Variants in ZC3HAV1 observed in about 807,000 individuals in gnomAD.
ZC3HAV1 encodes zinc finger CCCH-type antiviral protein 1.
Under a neutral mutation model 86.6 loss-of-function variants are expected in ZC3HAV1, and 41 were observed. The ratio of observed to expected loss-of-function variants is 0.47; its 90% CI spans 0.37 to 0.61. ZC3HAV1 has a LOEUF of 0.61. Ranked by LOEUF, ZC3HAV1 falls within the 20% of genes least tolerant of loss-of-function variation. The probability of loss-of-function intolerance (pLI) is 0.00; values close to 1 mark genes in which losing one functional copy is unlikely to be tolerated. For synonymous variants in ZC3HAV1, 421 were observed against 432.1 expected, an observed-to-expected ratio of 0.97 and a Z score of 0.32; for missense variants, 964 against 1,141.1, an observed-to-expected ratio of 0.84 and a Z score of 2.24.
intron 1 of ZC3HAV1, among the ~76,000 whole-genome samples, chr7:139,097,599 T>A (rs1817645534): frequency 6.7e-6 from 1 of 150,290 alleles, no homozygotes; most frequent in Admixed American, 6.6e-5. Flanking sequence ...CACGCTCGGC[T>A]AATTTTTTGT....
intron 1 of ZC3HAV1, among the ~76,000 whole-genome samples, chr7:139,094,588 G>A (rs1370441058): frequency 2.0e-5 from 3 of 151,248 alleles, no homozygotes; most frequent in South Asian, 4.2e-4. Flanking sequence ...AAAAACAAAC[G>A]ACCTTTTCAC....
Position 139,079,920 on chromosome 7 carries a change from G to T in ZC3HAV1, c.1021C>A (p.His341Asn). ...LENGSQEDLL[H>N]GNPGSTYLAS... ...AGGTAAGTGCTGCCTGGATTTCCAT[G>T]CAAGAGGTCCTCTTGACTGCCGTTC... Residue 341 changes from histidine to asparagine, a missense_variant, in exon 4 of 13, where the codon CAT (histidine) becomes AAT (asparagine). Transcript: ENST00000242351. 1 of 1,614,222 alleles carries T rather than the reference G, an allele frequency of 6.2e-7. No individual in the cohort carries two copies. Among genetic ancestry groups the T allele is most frequent in the South Asian group, 1.1e-5 (1 of 91,084 alleles).
At chr7:139,078,163 C>T (rs1817010097) in intron 5 of ZC3HAV1, among the ~76,000 whole-genome samples, 1 of 152,156 alleles carries the variant, frequency 6.6e-6, no homozygotes, top group Non-Finnish European at 1.5e-5. Context: ...CACTTGAACC[C>T]AGGGGGCAGA....
Position 139,109,429 on chromosome 7 carries a change from T to C in ZC3HAV1, c.-98A>G. 1 of 1,402,880 alleles carries C rather than the reference T, an allele frequency of 7.1e-7. No individual in the cohort carries two copies. Among genetic ancestry groups the C allele is most frequent in the Non-Finnish European group, 9.3e-7 (1 of 1,072,718 alleles). 86.9% of individuals were successfully genotyped at this position (1,402,880 alleles called of 1,614,324 possible). Reference sequence around the variant, plus strand: ...AGTGTCCAGGGGCGGGCGCGGGCGGTGCTACTGCTGGGCGCGCCCGGAGTC... The same window carrying C: ...AGTGTCCAGGGGCGGGCGCGGGCGGCGCTACTGCTGGGCGCGCCCGGAGTC... On this transcript the variant is annotated 5_prime_UTR_variant, in exon 1 of 13. Transcript: ENST00000242351.
intron 1 of ZC3HAV1, among the ~76,000 whole-genome samples, chr7:139,100,387 A>AAG (rs1817715203): frequency 6.6e-6 from 1 of 151,544 alleles, no homozygotes; most frequent in Non-Finnish European, 1.5e-5. Flanking sequence ...AAAAAAAAAA[A>AAG]TTAGCCAGGG....
In ZC3HAV1 at chr7:139,078,642, C is replaced by T. The variant is rs765974927; in HGVS notation, c.1483G>A (p.Asp495Asn). Reference protein sequence around the residue: ...RVALVNDSLSDVTSTTSSRVD... With the variant: ...RVALVNDSLSNVTSTTSSRVD... ...CTAGAAGATGTGGTACTTGTGACAT[C>T]AGATAAAGAATCTATGAAACAAAAA... The change falls in exon 5 of 13, where the codon GAT (aspartate) becomes AAT (asparagine). Residue 495 changes from aspartate (D) to asparagine (N), a missense_variant. Transcript: ENST00000242351. The T allele has an allele frequency of 5.7e-6, 9 of 1,568,480 alleles. No individual in the cohort carries two copies. Among genetic ancestry groups the T allele is most frequent in the African/African-American group, 2.8e-5 (2 of 71,384 alleles).
Position 139,047,476 on chromosome 7 carries a change from C to T in ZC3HAV1, c.*118G>A, listed in dbSNP as rs886331872. 14 of 1,452,430 alleles carry T rather than the reference C, an allele frequency of 9.6e-6. No homozygotes were observed. The African/African-American group carries it at 1.0e-4, about 10-fold the overall frequency. 90.0% of individuals were successfully genotyped at this position (1,452,430 alleles called of 1,614,324 possible). Reference sequence around the variant, plus strand: ...GTAGCAAAATTTGGGGACCACTGATCTAAGACATTAGATAACTGAGCAGGA... The same window carrying T: ...GTAGCAAAATTTGGGGACCACTGATTTAAGACATTAGATAACTGAGCAGGA... On this transcript the variant is annotated 3_prime_UTR_variant, in exon 13 of 13. Transcript: ENST00000242351.
chr7:139,073,352 C>T (rs1412801785), intron 7 of ZC3HAV1, among the ~76,000 whole-genome samples: 1 of 151,882 alleles, frequency 6.6e-6, no homozygotes, highest in African/African-American at 2.4e-5. Context: ...TAATGTATGA[C>T]TGCAATTGGA....
At chr7:139,088,031 CAAAAAAAAAAAAAAAA>C (rs10544425) in intron 2 of ZC3HAV1, among the ~76,000 whole-genome samples, 3 of 57,872 alleles carry the variant, frequency 5.2e-5, no homozygotes, top group Non-Finnish European at 6.8e-5. Flanking sequence ...GATCCTGTCT[CAAAAAAAAAAAAAAAA>C]AAAAAAAAGA....
chr7:139,075,083 T>G (rs1254384788), intron 6 of ZC3HAV1, among the ~76,000 whole-genome samples: 4 of 100,956 alleles, frequency 4.0e-5, no homozygotes, highest in African/African-American at 1.2e-4. Flanking sequence ...GGTGGGGGGG[T>G]GGTGCTTCCT....
At chr7:139,097,428 A>ATATATATATATATATATTTTTT in intron 1 of ZC3HAV1, among the ~76,000 whole-genome samples, 1 of 48,160 alleles carries the variant, frequency 2.1e-5, no homozygotes, top group African/African-American at 1.1e-4. Flanking sequence ...ATATATATAT[A>ATATATATATATATATATTTTTT]TTTTTTTTTT....
chr7:139,069,716 T>G lies in ZC3HAV1; in HGVS notation c.1872+4140A>C, dbSNP rs192605347. ...ATCAATTTCCATAAAAGGATATCTA[T>G]TTTACCTCCCTGAGAGCTCATAATC... On this transcript the variant is annotated intron_variant, in intron 7 of 12. Coordinates refer to ENST00000242351, the MANE Select transcript of ZC3HAV1 (RefSeq NM_020119.4). Among the ~76,000 whole-genome samples, 221 of 152,278 alleles carry G rather than the reference T, an allele frequency of 1.5e-3. 3 individuals are homozygous for G. Among genetic ancestry groups the G allele is most frequent in the African/African-American group, 5.2e-3 (215 of 41,554 alleles).
chr7:139,056,290 A>G (rs1317799098), intron 9 of ZC3HAV1, among the ~76,000 whole-genome samples: 4 of 152,050 alleles, frequency 2.6e-5, no homozygotes, highest in African/African-American at 7.2e-5. Flanking sequence ...TGCTAGGATT[A>G]TAAGCATCAG....
rs187838512 is a variant in ZC3HAV1, at chr7:139,104,592, A to G, written c.308+4432T>C. 9.6e-3 allele frequency among the ~76,000 whole-genome samples: 1,458 copies of G among 152,056 alleles called. 18 individuals are homozygous for G. Among genetic ancestry groups the G allele is most frequent in the Middle Eastern group, 0.014 (4 of 294 alleles). On this transcript the variant is annotated intron_variant, in intron 1 of 12. Transcript: ENST00000242351. ...AAAAAAATTAGCCAGGCGTGGTGGC[A>G]GGCGCCTGTAGTCCCAGCTACGCGG...
chr7:139,109,423 G>C lies in ZC3HAV1; in HGVS notation c.-92C>G, dbSNP rs1036225380. Reference sequence around the variant, plus strand: ...CTTACAAGTGTCCAGGGGCGGGCGCGGGCGGTGCTACTGCTGGGCGCGCCC... The same window carrying C: ...CTTACAAGTGTCCAGGGGCGGGCGCCGGCGGTGCTACTGCTGGGCGCGCCC... On this transcript the variant is annotated 5_prime_UTR_variant, in exon 1 of 13. Transcript: ENST00000242351. 2.8e-6 allele frequency: 4 copies of C among 1,420,246 alleles called. No individual in the cohort carries two copies. In the African/African-American group the frequency reaches 4.3e-5, roughly 15 times the overall value. 88.0% of individuals were successfully genotyped at this position (1,420,246 alleles called of 1,614,324 possible).
chr7:139,058,440 ACCCCCC>A lies in ZC3HAV1; in HGVS notation c.2096+2590_2096+2595del, dbSNP rs56132797. ...CTGCACCCCAGCAACCTAACCCCCA[ACCCCCC>A]CCCCCCCCACAAAAAAACACCAAAA... On this transcript the variant is annotated intron_variant, in intron 9 of 12. Transcript: ENST00000242351. 5.0e-5 allele frequency among the ~76,000 whole-genome samples: 6 copies of A among 119,282 alleles called. No homozygotes were observed. The South Asian group carries it at 1.9e-3, about 37-fold the overall frequency. The allele number at this position is 119,282 out of a possible 152,430, so 78.3% of individuals were successfully genotyped here.
Position 139,057,204 on chromosome 7 carries a change from T to A in ZC3HAV1, c.2097-1909A>T, listed in dbSNP as rs544319318. On this transcript the variant is annotated intron_variant, in intron 9 of 12. Coordinates refer to ENST00000242351, the MANE Select transcript of ZC3HAV1 (RefSeq NM_020119.4). ...CTCCCCATCTCTAGAAACATTTTTT[T>A]TAAATTATCCAGGTGTGGTGGTGCA... is the stretch of plus-strand genomic sequence containing the variant. 2.8e-4 allele frequency among the ~76,000 whole-genome samples: 43 copies of A among 151,994 alleles called. 1 individual carries two copies. Among genetic ancestry groups the A allele is most frequent in the African/African-American group, 7.2e-4 (30 of 41,470 alleles).
intron 3 of ZC3HAV1, among the ~76,000 whole-genome samples, chr7:139,082,638 A>G (rs748742150): frequency 1.3e-5 from 2 of 152,212 alleles, no homozygotes; most frequent in Non-Finnish European, 2.9e-5. Context: ...TTATAATTAT[A>G]TACATACAAT....
Position 139,073,933 on chromosome 7 carries a change from C to T in ZC3HAV1, c.1795G>A (p.Ala599Thr), listed in dbSNP as rs140829327. 384 of 1,613,894 alleles carry T rather than the reference C, an allele frequency of 2.4e-4. 7 individuals carry two copies. In the Middle Eastern group the frequency reaches 4.6e-3, roughly 19 times the overall value. ...CATTTGGTGGTGAAGACAGAATTGG[C>T]TGGCTTGGTGACAGAAGAAGGAGTG... is the stretch of plus-strand genomic sequence containing the variant. ...LSTPSSVTKP[A>T]NSVFTTKWIW... The change falls in exon 7 of 13, where the codon GCC (alanine) becomes ACC (threonine). Residue 599 changes from alanine (A) to threonine (T), a missense_variant. Ala to Thr is a moderately conservative substitution (Grantham distance 58). Coordinates refer to ENST00000242351, the MANE Select transcript of ZC3HAV1 (RefSeq NM_020119.4).
Sources: allele counts gnomAD v4.1 joint callset (sites outside exome capture counted in the v4.1 genomes callset), GRCh38; gene constraint gnomAD v4.1.1; transcripts MANE v1.5; gene names NCBI Gene and HGNC (gene_info 2026-07-23, HGNC 2026-07-21).